The following NBEA variants were observed in gnomAD, a reference collection of about 807,000 sequenced individuals.
The protein encoded by NBEA is neurobeachin, also known as lysosomal-trafficking regulator 2.
Under a neutral mutation model 343.4 loss-of-function variants are expected in NBEA, and 44 were observed. The observed-to-expected ratio is 0.13, with a 90% CI of 0.10 to 0.16. The LOEUF is 0.16. NBEA is among the 10% of genes least tolerant of loss of function. The pLI is 1.00. For missense variants in NBEA, 2,555 were observed against 3,631.3 expected (o/e 0.70, Z 7.62); for synonymous variants, 1,175 against 1,238.7 (o/e 0.95, Z 1.08).
chr13:35,049,533 C>T (rs1445319372), intron 5 of NBEA, among the ~76,000 whole-genome samples: 1 of 151,798 alleles, frequency 6.6e-6, no homozygotes, highest in Non-Finnish European at 1.5e-5. Flanking sequence ...CTATTACTAT[C>T]TTCTAAGCTC....
At chr13:35,307,954 T>C (rs952668025) in intron 35 of NBEA, among the ~76,000 whole-genome samples, 2 of 152,014 alleles carry the variant, frequency 1.3e-5, no homozygotes, top group Admixed American at 1.3e-4. Context: ...TTTGGATAAA[T>C]TTTAGTTAAA....
intron 38 of NBEA, among the ~76,000 whole-genome samples, chr13:35,404,191 G>C (rs989878899): frequency 6.6e-6 from 1 of 152,106 alleles, no homozygotes; most frequent in Admixed American, 6.6e-5. Context: ...GGAAGTCAGC[G>C]TGGCGATTCC....
In NBEA at chr13:35,583,732, G is replaced by A. The variant is rs139817788; in HGVS notation, c.7036-166G>A. On this transcript the variant is annotated intron_variant, in intron 45 of 58. Coordinates refer to ENST00000379939, the MANE Select transcript of NBEA (RefSeq NM_001385012.1). ...CAGTTTATAACAAGTGTAATGATTTGTAATTAATATCAAAATCCAGTATGG... is the reference window on the plus strand; with the variant it reads ...CAGTTTATAACAAGTGTAATGATTTATAATTAATATCAAAATCCAGTATGG... Among the ~76,000 whole-genome samples, 1,035 of 152,228 alleles carry A rather than the reference G, an allele frequency of 6.8e-3. 5 individuals are homozygous for A. Among genetic ancestry groups the A allele is most frequent in the Middle Eastern group, 0.027 (8 of 294 alleles).
At chr13:35,399,645 CT>C (rs1454084733) in intron 38 of NBEA, among the ~76,000 whole-genome samples, 2 of 152,138 alleles carry the variant, frequency 1.3e-5, no homozygotes, top group African/African-American at 2.4e-5. Context: ...CATGTGTTCA[CT>C]GGAGAAGAAC....
chr13:35,213,874 C>G (rs944713855), intron 33 of NBEA, among the ~76,000 whole-genome samples: 2 of 152,012 alleles, frequency 1.3e-5, no homozygotes, highest in South Asian at 4.2e-4. Flanking sequence ...CCCATCACCC[C>G]GAAAGTTCTG....
At chr13:35,157,370 T>C (rs2069240488) in intron 21 of NBEA, 100 bp downstream of exon 21, 1 of 898,724 alleles carries the variant, frequency 1.1e-6, no homozygotes, top group South Asian at 3.3e-5. Context: ...ATCTTAGATT[T>C]TGACAGATTC....
At chr13:35,602,867 C>G (rs912171685) in intron 47 of NBEA, among the ~76,000 whole-genome samples, 2 of 152,132 alleles carry the variant, frequency 1.3e-5, no homozygotes, top group Non-Finnish European at 2.9e-5. Context: ...TCTAGGCCTT[C>G]CTTGTTCTTT....
Position 35,161,819 on chromosome 13 carries a change from C to T in NBEA, c.3931C>T (p.Pro1311Ser). ...AGTTGATTTAGGATTTCGAGGAATG[C>T]CAATGACTGAGGAACAGCGACGCCA... ...LRVDLGFRGM[P>S]MTEEQRRQFS... Residue 1311 changes from proline (P) to serine (S), a missense_variant, in exon 23 of 59, where the codon CCA (proline) becomes TCA (serine). Physicochemically the swap from Pro to Ser is moderately conservative, Grantham distance 74 (BLOSUM62 -1). Coordinates refer to ENST00000379939, the MANE Select transcript of NBEA (RefSeq NM_001385012.1). The T allele has an allele frequency of 6.2e-7, 1 of 1,612,278 alleles. No homozygotes were observed. The highest frequency in any genetic ancestry group is 1.1e-5 in the South Asian group (1 of 90,648).
intron 36 of NBEA, among the ~76,000 whole-genome samples, chr13:35,348,712 AT>A (rs1314889690): frequency 6.6e-6 from 1 of 152,098 alleles, no homozygotes; most frequent in Non-Finnish European, 1.5e-5. Context: ...ATATAAAAAA[AT>A]AAAAATAAAG....
At chr13:35,561,117 A>AT (rs1288302071) in intron 44 of NBEA, among the ~76,000 whole-genome samples, 1 of 152,172 alleles carries the variant, frequency 6.6e-6, no homozygotes, top group Non-Finnish European at 1.5e-5. Context: ...TAATCTTCAT[A>AT]TAGCACCGTC....
chr13:34,955,324 A>C (rs964304735), intron 1 of NBEA, among the ~76,000 whole-genome samples: 2 of 152,066 alleles, frequency 1.3e-5, no homozygotes, highest in African/African-American at 2.4e-5. Flanking sequence ...TCTTGGGTAC[A>C]TAAAAGAGTA....
chr13:35,293,424 A>C (rs557631223), intron 35 of NBEA, among the ~76,000 whole-genome samples: 1 of 151,836 alleles, frequency 6.6e-6, no homozygotes, highest in African/African-American at 2.4e-5. Context: ...CTTCACTTTT[A>C]TTTTGTATTA....
chr13:35,450,146 A>G (rs1439155104), intron 39 of NBEA, among the ~76,000 whole-genome samples: 2 of 152,226 alleles, frequency 1.3e-5, no homozygotes, highest in Non-Finnish European at 2.9e-5. Flanking sequence ...ACTATTTTAC[A>G]ATGCAAGTTG....
intron 48 of NBEA, among the ~76,000 whole-genome samples, chr13:35,612,128 A>T: frequency 6.6e-6 from 1 of 151,048 alleles, no homozygotes; most frequent in East Asian, 1.9e-4. Flanking sequence ...TCTCATTACA[A>T]TATTTTTTTT....
chr13:35,070,169 T>C, intron 9 of NBEA, 64 bp downstream of exon 9: 1 of 1,326,832 alleles, frequency 7.5e-7, no homozygotes, highest in Admixed American at 3.3e-5. Flanking sequence ...TTATTTTATA[T>C]ATCAAACATT....
At chr13:35,036,484 T>G (rs1227643505) in intron 1 of NBEA, among the ~76,000 whole-genome samples, 1 of 152,140 alleles carries the variant, frequency 6.6e-6, no homozygotes, top group Non-Finnish European at 1.5e-5. Flanking sequence ...GTACTTATAT[T>G]ACCAGTAAGG....
In NBEA at chr13:35,655,760, G is replaced by A. The variant is rs369423373; in HGVS notation, c.8362+11G>A. The stretch of plus-strand genomic sequence containing the variant: ...ACAACCCTAACAGCAGTGAGTGTTT[G>A]TATCAAATTTGTCCTATCAAACTAT... On this transcript the variant is annotated intron_variant, in intron 55 of 58. Transcript: ENST00000379939. 1.7e-5 allele frequency: 28 copies of A among 1,602,528 alleles called. No individual in the cohort carries two copies. Among genetic ancestry groups the A allele is most frequent in the East Asian group, 2.2e-5 (1 of 44,712 alleles).
At chr13:35,415,913 G>A (rs1054501366) in intron 38 of NBEA, among the ~76,000 whole-genome samples, 22 of 152,260 alleles carry the variant, frequency 1.4e-4, no homozygotes, top group Non-Finnish European at 2.2e-4. Flanking sequence ...ATTTCATTGA[G>A]CAGTGGTTTG....
intron 39 of NBEA, among the ~76,000 whole-genome samples, chr13:35,435,284 A>ATCC (rs1226447641): frequency 6.6e-6 from 1 of 152,162 alleles, no homozygotes; most frequent in East Asian, 1.9e-4. Context: ...AAGTGCTGGG[A>ATCC]TTACAGGCGT....
Sources: allele counts gnomAD v4.1 joint callset (sites outside exome capture counted in the v4.1 genomes callset), GRCh38; gene constraint gnomAD v4.1.1; transcripts MANE v1.5; gene names NCBI Gene and HGNC (gene_info 2026-07-23, HGNC 2026-07-21).